Variants in TOX2 observed in about 807,000 individuals in gnomAD.
The protein encoded by TOX2 is granulosa cell HMG box 1.
In TOX2, 15 loss-of-function variants were observed where a neutral mutation model predicts 47.4. The ratio of observed to expected loss-of-function variants is 0.32; its 90% CI spans 0.21 to 0.49. The LOEUF (loss-of-function observed/expected upper bound fraction) is 0.49, where lower values mean the gene tolerates loss of function less well. Among genes scored for constraint, TOX2 ranks in the 20% least tolerant of loss-of-function variants. The pLI, the probability that TOX2 is intolerant of heterozygous loss-of-function variation, is 0.99. For missense variants in TOX2, 622 were observed against 673.1 expected (o/e 0.92, Z 0.84); for synonymous variants, 290 against 296.6 (o/e 0.98, Z 0.23).
At chr20:44,029,900 C>T (rs552276668) in intron 3 of TOX2, among the ~76,000 whole-genome samples, 11 of 152,316 alleles carry the variant, frequency 7.2e-5, no homozygotes, top group South Asian at 4.1e-4. Flanking sequence ...CGTTGCCAAA[C>T]CCATTGGGCA....
At chr20:43,996,131 A>G (rs1054522956) in intron 2 of TOX2, among the ~76,000 whole-genome samples, 1 of 152,240 alleles carries the variant, frequency 6.6e-6, no homozygotes, top group Non-Finnish European at 1.5e-5. Context: ...ACTCCTACCA[A>G]CAGTGTAAGT....
At chr20:44,013,817 C>T (rs1049570065) in intron 3 of TOX2, among the ~76,000 whole-genome samples, 5 of 152,058 alleles carry the variant, frequency 3.3e-5, no homozygotes, top group Non-Finnish European at 7.4e-5. Context: ...TTTGGCCACT[C>T]TCATATCTCG....
intron 3 of TOX2, among the ~76,000 whole-genome samples, chr20:44,025,152 T>A (rs1007489948): frequency 1.1e-4 from 17 of 152,274 alleles, no homozygotes; most frequent in African/African-American, 3.4e-4. Context: ...AAGGATTTTT[T>A]AAAAAATTTT....
intron 3 of TOX2, among the ~76,000 whole-genome samples, chr20:44,015,108 TG>T (rs2070856150): frequency 6.6e-6 from 1 of 152,100 alleles, no homozygotes; most frequent in Non-Finnish European, 1.5e-5. Flanking sequence ...AACGTCCCTC[TG>T]GGGATGGAAG....
chr20:44,054,078 T>G (rs2071574861), intron 4 of TOX2, among the ~76,000 whole-genome samples: 1 of 152,176 alleles, frequency 6.6e-6, no homozygotes, highest in Non-Finnish European at 1.5e-5. Context: ...CCTCCTGCAT[T>G]TCTCTGAATC....
intron 2 of TOX2, among the ~76,000 whole-genome samples, chr20:44,005,007 A>G (rs1600727713): frequency 2.0e-5 from 3 of 152,232 alleles, no homozygotes; most frequent in African/African-American, 4.8e-5. Context: ...GGATATGCCA[A>G]TTACCCTGAT....
In TOX2 at chr20:43,975,604, T is replaced by C. The variant is rs772678671; in HGVS notation, c.165+2172T>C. ...GTCCACTGACTTGCCTCAGCCTAAA[T>C]GTCACTTCTGCAGAGAGCTCTTTGT... On this transcript the variant is annotated intron_variant, in intron 2 of 8. Transcript: ENST00000341197. Among the ~76,000 whole-genome samples, 3 of 152,302 alleles carry C rather than the reference T, an allele frequency of 2.0e-5. No homozygotes were observed. The South Asian group carries it at 6.2e-4, about 32-fold the overall frequency.
At chr20:44,062,117 C>A (rs768173849) in intron 5 of TOX2, among the ~76,000 whole-genome samples, 4 of 151,732 alleles carry the variant, frequency 2.6e-5, no homozygotes, top group Admixed American at 6.6e-5. Context: ...CTGGCCAGAG[C>A]AATCAGACAA....
At chr20:44,008,691 G>A (rs1243781146) in intron 3 of TOX2, among the ~76,000 whole-genome samples, 1 of 152,178 alleles carries the variant, frequency 6.6e-6, no homozygotes, top group African/African-American at 2.4e-5. Context: ...CTGAACAACT[G>A]TGACTTGTGT....
intron 3 of TOX2, among the ~76,000 whole-genome samples, chr20:44,012,023 G>T (rs1244866876): frequency 2.0e-5 from 3 of 152,150 alleles, no homozygotes; most frequent in Non-Finnish European, 4.4e-5. Context: ...AAGACAAAAA[G>T]AGTCAATTTA....
chr20:43,921,945 G>C (rs377461509), intron 1 of TOX2, among the ~76,000 whole-genome samples: 1 of 152,178 alleles, frequency 6.6e-6, no homozygotes, highest in East Asian at 1.9e-4. Context: ...AATTGGGAGA[G>C]AGTTGCTCAT....
intron 1 of TOX2, among the ~76,000 whole-genome samples, chr20:43,931,449 G>A (rs1021490353): frequency 6.6e-6 from 1 of 152,322 alleles, no homozygotes; most frequent in East Asian, 1.9e-4. Context: ...ATACACGTCT[G>A]TTAAATTTCT....
chr20:43,932,440 G>C (rs538832811), intron 1 of TOX2, among the ~76,000 whole-genome samples: 6 of 152,120 alleles, frequency 3.9e-5, no homozygotes, highest in Non-Finnish European at 8.8e-5. Context: ...AAATGCCTTC[G>C]GTAATATCTT....
chr20:43,976,924 C>G (rs1569054681), intron 2 of TOX2, among the ~76,000 whole-genome samples: 1 of 152,208 alleles, frequency 6.6e-6, no homozygotes, highest in Non-Finnish European at 1.5e-5. Context: ...GAAGCCCTCA[C>G]AGCCACTAGA....
At chr20:43,956,255 C>T (rs938300022) in intron 1 of TOX2, among the ~76,000 whole-genome samples, 25 of 152,168 alleles carry the variant, frequency 1.6e-4, no homozygotes, top group Admixed American at 3.9e-4. Context: ...CCATGAGCTC[C>T]GGGACAAAGA....
At chr20:44,064,906 T>G in intron 6 of TOX2, 49 bp downstream of exon 6, 1 of 1,576,690 alleles carries the variant, frequency 6.3e-7, no homozygotes, top group Non-Finnish European at 8.7e-7. Flanking sequence ...TGGGGCCACT[T>G]GAGGAATGGA....
intron 5 of TOX2, 118 bp downstream of exon 5, chr20:44,054,644 C>A (rs2071585985): frequency 2.7e-6 from 3 of 1,101,422 alleles, no homozygotes; most frequent in Admixed American, 4.4e-5. Context: ...TTACAGAGGT[C>A]TTTCCTGGGC....
At chr20:43,973,511 G>A in intron 2 of TOX2, 79 bp downstream of exon 2, 3 of 1,370,706 alleles carry the variant, frequency 2.2e-6, no homozygotes, top group East Asian at 4.6e-5. Flanking sequence ...GTGGAGGTAG[G>A]GGGTGCAGAA....
chr20:43,958,640 T>A (rs2069706210), intron 1 of TOX2, among the ~76,000 whole-genome samples: 1 of 152,234 alleles, frequency 6.6e-6, no homozygotes, highest in African/African-American at 2.4e-5. Flanking sequence ...TATGGCCAGG[T>A]ACATTGTAGG....
Sources: allele counts gnomAD v4.1 joint callset (sites outside exome capture counted in the v4.1 genomes callset), GRCh38; gene constraint gnomAD v4.1.1; transcripts MANE v1.5; gene names NCBI Gene and HGNC (gene_info 2026-07-23, HGNC 2026-07-21).